RNF213: variants seen among roughly 807,000 people sequenced by gnomAD.
RNF213 encodes the protein ring finger protein 213.
Under a neutral mutation model 514.4 loss-of-function variants are expected in RNF213, and 341 were observed. That is an observed-to-expected ratio of 0.66 (90% confidence interval 0.61 to 0.73). The LOEUF is 0.73. Ranked by LOEUF, RNF213 falls within the 30% of genes least tolerant of loss-of-function variation. RNF213 has a pLI of 0.00. For synonymous variants in RNF213, 2,655 were observed against 2,658.2 expected (o/e 1.00, Z 0.04); for missense variants, 5,767 against 6,615.6 (o/e 0.87, Z 4.45).
intron 23 of RNF213, chr17:80,336,604 AAC>A (rs1413657026): frequency 1.7e-6 from 1 of 591,508 alleles, no homozygotes; most frequent in Non-Finnish European, 3.1e-6. Flanking sequence ...TAAGGTGCAA[AAC>A]ACACGTGGAA....
chr17:80,321,584 C>A (rs914232230), intron 17 of RNF213: 3 of 152,126 alleles, frequency 2.0e-5, no homozygotes, highest in African/African-American at 4.8e-5. Flanking sequence ...ACTGTCCGGC[C>A]GAGTCCCACA....
intron 67 of RNF213, among the ~76,000 whole-genome samples, chr17:80,392,605 GTT>G (rs34876847): frequency 1.3e-4 from 20 of 149,140 alleles, no homozygotes; most frequent in African/African-American, 2.5e-4. Flanking sequence ...GGATTTCTGG[GTT>G]TTTTTTTTTT....
At position 80,396,730 on chromosome 17, in the gene RNF213, C is replaced by A. The variant is rs1444428355; in HGVS notation, c.*3232C>A. 3 of 31,896 alleles carry A rather than the reference C, an allele frequency of 9.4e-5. No homozygotes were observed. The highest frequency in any genetic ancestry group is 2.1e-4 in the Non-Finnish European group (3 of 14,506). 2.0% of individuals were successfully genotyped at this position (31,896 alleles called of 1,614,324 possible). A position where few individuals can be genotyped will look rare whatever the true frequency, so the allele number is the denominator to read the frequency against. ...CAAGCGCCAGGAAAGTGCATTTCCC[C>A]CCCACCCCCCCCCCCCAACCAGAGC... On this transcript the variant is annotated 3_prime_UTR_variant, in exon 68 of 68. Transcript: ENST00000582970.
Position 80,347,346 on chromosome 17 carries a change from C to T in RNF213, c.9011C>T (p.Pro3004Leu). 1 of 1,613,936 alleles carries T rather than the reference C, an allele frequency of 6.2e-7. No homozygotes were observed. The highest frequency in any genetic ancestry group is 1.1e-5 in the South Asian group (1 of 91,076). ...QALDIFLANL[P>L]EAKCSEEVSP... ...TTGGACATCTTTCTGGCCAATTTGC[C>T]CGAGGCCAAGTGCTCAGAGGAAGTC... The change falls in exon 29 of 68, where the codon CCC (proline) becomes CTC (leucine). Residue 3004 changes from proline (P) to leucine (L), a missense_variant. This residue lies in a region of RNF213 where 919 missense variants were observed against 1,121.0 expected (regional missense o/e 0.82). Coordinates refer to ENST00000582970, the MANE Select transcript of RNF213 (RefSeq NM_001256071.3). This position sits in a 1 kb window ranked among gnomAD's most constrained non-coding sequence, Gnocchi z 7.2.
At chr17:80,382,947 G>T in intron 57 of RNF213, 32 bp from the exon 58 acceptor site, 1 of 1,390,052 alleles carries the variant, frequency 7.2e-7, no homozygotes, top group South Asian at 1.2e-5. Flanking sequence ...TTTGTGCCTT[G>T]GGTAACCTAC....
Position 80,290,688 on chromosome 17 carries a change from T to A in RNF213, c.1231T>A (p.Ser411Thr). ...CAGAGGAGGAGAAGAATTTGGGGAG[T>A]CAAAATGGGACAGCAATATCTGTGA... is the stretch of plus-strand genomic sequence containing the variant. The part of the protein sequence containing the change: ...FIRGGEEFGE[S>T]KWDSNICELH... Residue 411 changes from serine (S) to threonine (T), a missense_variant, in exon 7 of 68, where the codon TCA becomes ACA. This residue lies in a region of RNF213 where 592 missense variants were observed against 673.9 expected (regional missense o/e 0.88). Transcript: ENST00000582970. 6.2e-7 allele frequency: 1 copy of A among 1,613,910 alleles called. No homozygotes were observed. Among genetic ancestry groups the A allele is most frequent in the Admixed American group, 1.7e-5 (1 of 59,976 alleles).
At chr17:80,318,856 A>G (rs1255087293) in intron 16 of RNF213, among the ~76,000 whole-genome samples, 1 of 152,132 alleles carries the variant, frequency 6.6e-6, no homozygotes, top group Non-Finnish European at 1.5e-5. Context: ...GACAGGCGTG[A>G]GCCACCGCGC....
chr17:80,363,592 G>A lies in RNF213; in HGVS notation c.11569-17G>A. 1.9e-6 allele frequency: 3 copies of A among 1,612,734 alleles called. No homozygotes were observed. The highest frequency in any genetic ancestry group is 2.5e-6 in the Non-Finnish European group (3 of 1,179,990). On this transcript the variant is annotated splice_polypyrimidine_tract_variant and intron_variant, in intron 40 of 67. Coordinates refer to ENST00000582970, the MANE Select transcript of RNF213 (RefSeq NM_001256071.3). ...GAGGGGCACCGCTCAGCCACGCCCT[G>A]CTGTCCGTCTCCCCAGACCCTGGAC... is the stretch of plus-strand genomic sequence containing the variant.
rs139113160 is a variant in RNF213 at position 80,353,575 on chromosome 17, C to T, written c.10487C>T (p.Ser3496Leu). 2.4e-4 allele frequency: 388 copies of T among 1,613,938 alleles called. 1 individual carries two copies. The African/African-American group carries it at 3.3e-3, about 14-fold the overall frequency. The part of the protein sequence containing the change: ...EEAMETEAST[S>L]GEVAEVAEEA... Reference sequence around the variant, plus strand: ...GCGATGGAGACGGAGGCCAGCACATCAGGGGAGGTGGCAGAGGTGGCAGAG... The same window carrying T: ...GCGATGGAGACGGAGGCCAGCACATTAGGGGAGGTGGCAGAGGTGGCAGAG... The change falls in exon 34 of 68, where the codon TCA becomes TTA. Residue 3496 changes from serine to leucine, a missense_variant. Ser to Leu is a moderately radical substitution (Grantham distance 145, BLOSUM62 -2). Transcript: ENST00000582970. The surrounding 1 kb of genome is among the most constrained non-coding windows in gnomAD (Gnocchi z 5.0).
chr17:80,295,908 C>A, intron 10 of RNF213, 95 bp downstream of exon 10: 1 of 1,435,334 alleles, frequency 7.0e-7, no homozygotes, highest in Non-Finnish European at 9.7e-7. Flanking sequence ...ACTGAAAGCA[C>A]ACAGGCAAGA....
chr17:80,393,620 A>T lies in RNF213; in HGVS notation c.*122A>T. The T allele has an allele frequency of 8.8e-7, 1 of 1,135,376 alleles. No individual in the cohort carries two copies. Among genetic ancestry groups the T allele is most frequent in the South Asian group, 1.4e-5 (1 of 72,428 alleles). The allele number at this position is 1,135,376 out of a possible 1,614,324, so 70.3% of individuals were successfully genotyped here. A position where few individuals can be genotyped will look rare whatever the true frequency, so the allele number is the denominator to read the frequency against. ...TCAGAAGGAGAGCTGTCAGCGTAGCACCGAATTCAAGACCAAGGCGTGCTA... is the reference window on the plus strand; with the variant it reads ...TCAGAAGGAGAGCTGTCAGCGTAGCTCCGAATTCAAGACCAAGGCGTGCTA... On this transcript the variant is annotated 3_prime_UTR_variant, in exon 68 of 68. Coordinates refer to ENST00000582970, the MANE Select transcript of RNF213 (RefSeq NM_001256071.3).
chr17:80,292,003 C>G (rs2044748500), intron 8 of RNF213, 176 bp downstream of exon 8: 1 of 710,232 alleles, frequency 1.4e-6, no homozygotes, highest in African/African-American at 1.8e-5. Flanking sequence ...TGGGTTGTGT[C>G]TCTGGTTGGT....
Position 80,294,854 on chromosome 17 carries a change from A to G in RNF213, c.1606A>G (p.Ser536Gly). The change falls in exon 9 of 68, where the codon AGC (serine) becomes GGC (glycine). Residue 536 changes from serine (S) to glycine (G), a missense_variant. By Grantham distance (56) the Ser-to-Gly change is moderately conservative. Transcript: ENST00000582970. ...GATTGCCGCTGCGCTCATGCTGGAC[A>G]GCACCTTCAGCATCCTGCAGACCTG... The part of the protein sequence containing the change: ...KQIAAALMLD[S>G]TFSILQTWDT... The G allele has an allele frequency of 6.2e-7, 1 of 1,614,240 alleles. No homozygotes were observed. The highest frequency in any genetic ancestry group is 8.5e-7 in the Non-Finnish European group (1 of 1,180,042).
Position 80,265,044 on chromosome 17 carries a change from G to GTTTGTTT in RNF213, c.97+1269_97+1270insGTTTTTT, listed in dbSNP as rs1567986297. Among the ~76,000 whole-genome samples the GTTTGTTT allele has an allele frequency of 8.7e-4, 96 of 110,850 alleles. 1 individual carries two copies. Among genetic ancestry groups the GTTTGTTT allele is most frequent in the Middle Eastern group, 4.8e-3 (1 of 210 alleles). 72.7% of individuals were successfully genotyped at this position (110,850 alleles called of 152,430 possible). A position where few individuals can be genotyped will look rare whatever the true frequency, so the allele number is the denominator to read the frequency against. ...AGCCCCAGTCCTTCCATGTTTGTTTGTTTTTTTTTTTTTTTTTAGAGGGAG... is the reference window on the plus strand; with the variant it reads ...AGCCCCAGTCCTTCCATGTTTGTTTGTTTGTTTTTTTTTTTTTTTTTTTTAGAGGGAG... On this transcript the variant is annotated intron_variant, in intron 2 of 67. Coordinates refer to ENST00000582970, the MANE Select transcript of RNF213 (RefSeq NM_001256071.3).
intron 10 of RNF213, among the ~76,000 whole-genome samples, chr17:80,296,307 A>G (rs534971828): frequency 6.6e-6 from 1 of 152,206 alleles, no homozygotes; most frequent in Non-Finnish European, 1.5e-5. Flanking sequence ...GGCGTGAGCC[A>G]CCGTGCTGGG....
Position 80,343,434 on chromosome 17 carries a change from T to C in RNF213, c.6183+109T>C. ...GAATTCCTTGTTTCCACACGCACAG[T>C]CCTGTGAAGCTTAACAGTGGGAATG... On this transcript the variant is annotated intron_variant, in intron 27 of 67. Transcript: ENST00000582970. This position sits in a 1 kb window ranked among gnomAD's most constrained non-coding sequence, Gnocchi z 4.3. 1.0e-6 allele frequency: 1 copy of C among 988,130 alleles called. No individual in the cohort carries two copies. Among genetic ancestry groups the C allele is most frequent in the East Asian group, 2.6e-5 (1 of 38,440 alleles). The allele number at this position is 988,130 out of a possible 1,614,324, so 61.2% of individuals were successfully genotyped here.
At chr17:80,384,475 T>G (rs2080153543) in intron 59 of RNF213, among the ~76,000 whole-genome samples, 1 of 152,202 alleles carries the variant, frequency 6.6e-6, no homozygotes, top group Non-Finnish European at 1.5e-5. Context: ...ACACATTGTC[T>G]AAACATTTCT....
rs143766322 is a variant in RNF213 at position 80,383,898 on chromosome 17, A to G, written c.14292A>G (p.Arg4764=). The G allele has an allele frequency of 2.8e-5, 46 of 1,614,200 alleles. No individual in the cohort carries two copies. In the African/African-American group the frequency reaches 4.9e-4, roughly 17 times the overall value. Residue 4764 remains arginine (R), a synonymous_variant, in exon 59 of 68, where the codon AGA becomes AGG. Transcript: ENST00000582970. The stretch of plus-strand genomic sequence containing the variant: ...TGGAACAGAAAAATGGCAAAGAAAG[A>G]GTGCCCATCCTCTGGCATTTCCTGC... ...HIVEQKNGKE[R]VPILWHFLQK... is the part of the protein sequence containing the mutation.
At position 80,386,929 on chromosome 17, in the gene RNF213, G is replaced by A. The variant is rs139450510; in HGVS notation, c.14922+38G>A. The A allele has an allele frequency of 4.8e-5, 75 of 1,572,992 alleles. No individual in the cohort carries two copies. The African/African-American group carries it at 6.1e-4, about 13-fold the overall frequency. ...CCTGCCACTGCTGCTCATTTGGTGTGTCTGTTGTGAACAAGCAGCCCTTGG... is the reference window on the plus strand; with the variant it reads ...CCTGCCACTGCTGCTCATTTGGTGTATCTGTTGTGAACAAGCAGCCCTTGG... On this transcript the variant is annotated intron_variant, in intron 63 of 67. Transcript: ENST00000582970.
Sources: allele counts gnomAD v4.1 joint callset (sites outside exome capture counted in the v4.1 genomes callset), GRCh38; gene constraint gnomAD v4.1.1; regional missense constraint gnomAD v4.1.1; non-coding constraint Gnocchi (gnomAD v3.1); transcripts MANE v1.5; gene names NCBI Gene and HGNC (gene_info 2026-07-23, HGNC 2026-07-21).